The following ANKRD26 variants were observed in gnomAD, a reference collection of about 807,000 sequenced individuals.
ANKRD26 encodes the protein ankyrin repeat domain 26, also known as ankyrin repeat domain-containing protein 26.
ANKRD26 carries 141 observed loss-of-function variants against 208.7 expected under a neutral mutation model. The ratio of observed to expected loss-of-function variants is 0.68; its 90% confidence interval spans 0.59 to 0.78. The LOEUF is 0.78. ANKRD26 is among the 30% of genes least tolerant of loss of function. The pLI, the probability that ANKRD26 is intolerant of heterozygous loss-of-function variation, is 0.00. For missense variants in ANKRD26, 1,889 were observed against 1,938.7 expected (o/e 0.97, Z 0.48); for synonymous variants, 636 against 660.4 (o/e 0.96, Z 0.57).
chr10:26,956,795 G>T, the ANKRD26 span, among the ~76,000 whole-genome samples: 1 of 152,154 alleles, frequency 6.6e-6, no homozygotes. Context: ...AGTAGCAACA[G>T]TACCATTTCC....
downstream of ANKRD26, among the ~76,000 whole-genome samples, chr10:26,973,871 G>A (rs1420373527): frequency 6.6e-6 from 1 of 151,730 alleles, no homozygotes; most frequent in Non-Finnish European, 1.5e-5. Context: ...TGGCCAGGCT[G>A]GTCTCGAACT....
chr10:27,064,433 G>T (rs2055168577), intron 11 of ANKRD26, among the ~76,000 whole-genome samples: 1 of 152,082 alleles, frequency 6.6e-6, no homozygotes, highest in African/African-American at 2.4e-5. Context: ...AAAAATAAGA[G>T]GGGAGCTTCT....
rs2052200551 is a variant in ANKRD26, at chr10:26,974,776, T to C, written c.*1548A>G. On this transcript the variant is annotated 3_prime_UTR_variant and NMD_transcript_variant, in exon 6 of 6. Transcript: ENST00000674670. ...CTGCATTCATAGAAGGTACGCTCTCTGGAATACTTCTAGGTTGAGAATTCT... is the reference window on the plus strand; with the variant it reads ...CTGCATTCATAGAAGGTACGCTCTCCGGAATACTTCTAGGTTGAGAATTCT... 2.0e-5 allele frequency among the ~76,000 whole-genome samples: 3 copies of C among 152,260 alleles called. No homozygotes were observed. The South Asian group carries it at 6.2e-4, about 32-fold the overall frequency.
In ANKRD26 at chr10:27,046,517, A is replaced by T. The variant is rs772121441; in HGVS notation, c.1821T>A (p.Gly607=). The change falls in exon 18 of 34, where the codon GGT becomes GGA. Residue 607 remains glycine (G), a synonymous_variant. Transcript: ENST00000376087. ...RKENKEYASS[G]PALQMKEVKS... is the part of the protein sequence containing the mutation. ...TTACTTCCTTCATTTGCAAGGCAGG[A>T]CCACTACTTTAAAAAATCCATGGGA... is the stretch of plus-strand genomic sequence containing the variant. 1.2e-6 allele frequency: 2 copies of T among 1,613,726 alleles called. No individual in the cohort carries two copies. The highest frequency in any genetic ancestry group is 1.3e-5 in the African/African-American group (1 of 74,878).
At chr10:27,022,860 A>T (rs1432103430) in intron 28 of ANKRD26, among the ~76,000 whole-genome samples, 173 bp from the exon 29 acceptor site, 1 of 152,234 alleles carries the variant, frequency 6.6e-6, no homozygotes, top group Non-Finnish European at 1.5e-5. Context: ...AATCTTAGGT[A>T]AATAATGTGA....
chr10:27,043,637 T>C (rs2054340533), intron 19 of ANKRD26, 70 bp from the exon 20 acceptor site: 1 of 1,482,904 alleles, frequency 6.7e-7, no homozygotes, highest in Admixed American at 1.7e-5. Context: ...GTGGTAATTA[T>C]CCATCTTTCT....
In ANKRD26 at chr10:26,980,310, T is replaced by G. The variant is rs572662629; in HGVS notation, c.*281+266A>C. ...TGTCTTCTGAACTTTTGGGGACTTG[T>G]TGTCATCCTATTGGACCTTTGGAAA... On this transcript the variant is annotated intron_variant and NMD_transcript_variant, in intron 5 of 5. Transcript: ENST00000674670. 1.6e-4 allele frequency among the ~76,000 whole-genome samples: 24 copies of G among 152,354 alleles called. No homozygotes were observed. In the South Asian group the frequency reaches 4.8e-3, roughly 30 times the overall value.
intron 1 of ANKRD26, among the ~76,000 whole-genome samples, chr10:27,098,512 G>A (rs1228230092): frequency 1.3e-5 from 2 of 151,154 alleles, no homozygotes; most frequent in Non-Finnish European, 2.9e-5. Flanking sequence ...AAAAAAGTTT[G>A]ACTTATTATA....
chr10:26,985,511 T>G (rs2052372468), intron 3 of ANKRD26, among the ~76,000 whole-genome samples: 1 of 152,170 alleles, frequency 6.6e-6, no homozygotes, highest in Admixed American at 6.5e-5. Context: ...TCAACATGTT[T>G]TTAAGTGTTT....
At chr10:27,058,721 A>T (rs1050974452) in intron 15 of ANKRD26, among the ~76,000 whole-genome samples, 11 of 149,248 alleles carry the variant, frequency 7.4e-5, no homozygotes, top group African/African-American at 2.7e-4. Context: ...GGTTACAGGC[A>T]TGTGCCACCA....
chr10:27,029,409 G>T, intron 25 of ANKRD26, 53 bp from the exon 26 acceptor site: 1 of 1,528,516 alleles, frequency 6.5e-7, no homozygotes. Flanking sequence ...GTACACATCT[G>T]TCCATTACCT....
chr10:27,063,381 C>T (rs556478737), intron 12 of ANKRD26, among the ~76,000 whole-genome samples: 1 of 152,070 alleles, frequency 6.6e-6, no homozygotes, highest in Admixed American at 6.6e-5. Context: ...AGTGCAGTGA[C>T]GTGATCTCAG....
At chr10:27,095,467 A>G (rs575430896) in intron 1 of ANKRD26, among the ~76,000 whole-genome samples, 1 of 152,336 alleles carries the variant, frequency 6.6e-6, no homozygotes, top group African/African-American at 2.4e-5. Flanking sequence ...CAGGAATTCA[A>G]GATCAGCCTG....
the ANKRD26 span, among the ~76,000 whole-genome samples, chr10:26,959,669 G>A: frequency 2.0e-5 from 3 of 149,636 alleles, no homozygotes; most frequent in Non-Finnish European, 4.4e-5. Flanking sequence ...TAGTAGAGAC[G>A]GGGTTTCACC....
chr10:26,977,495 T>C (rs986320451), intron 5 of ANKRD26, among the ~76,000 whole-genome samples: 3 of 152,208 alleles, frequency 2.0e-5, no homozygotes, highest in Non-Finnish European at 4.4e-5. Context: ...CTTCAGAGCA[T>C]AATGATATTT....
chr10:27,029,203 C>A, intron 26 of ANKRD26, 83 bp downstream of exon 26: 1 of 1,445,790 alleles, frequency 6.9e-7, no homozygotes, highest in South Asian at 1.2e-5. Flanking sequence ...TACTTATGAT[C>A]ATAGCTGATA....
intron 1 of ANKRD26, among the ~76,000 whole-genome samples, chr10:27,095,038 A>G (rs2056422798): frequency 6.6e-6 from 1 of 152,036 alleles, no homozygotes; most frequent in African/African-American, 2.4e-5. Flanking sequence ...ACAGTATTTC[A>G]GTGATTCTAA....
chr10:27,014,543 A>G lies in ANKRD26; in HGVS notation c.4675T>C (p.Tyr1559His). The G allele has an allele frequency of 6.3e-7, 1 of 1,598,986 alleles. No homozygotes were observed. The highest frequency in any genetic ancestry group is 1.1e-5 in the South Asian group (1 of 89,620). ...TTTCTAACTTTTAATTCTTCTAGAT[A>G]GAGTTGCTTATATTTTTCCAGTTCG... ...KTELEKYKQL[Y>H]LEELKVRKSL... is the part of the protein sequence containing the mutation. The change falls in exon 31 of 34, where the codon TAT becomes CAT. Residue 1559 changes from tyrosine to histidine, a missense_variant. Physicochemically the swap from Tyr to His is moderately conservative, Grantham distance 83 (BLOSUM62 2). Transcript: ENST00000376087.
chr10:27,100,070 T>C lies in ANKRD26; in HGVS notation c.242+15A>G. ...ACTCCAGTGGCACTCAGTCCGGGCT[T>C]GCGACGCCTATTACCTGTTCATCTT... On this transcript the variant is annotated intron_variant, in intron 1 of 33. Coordinates refer to ENST00000376087, the MANE Select transcript of ANKRD26 (RefSeq NM_014915.3). 1.2e-6 allele frequency: 2 copies of C among 1,613,648 alleles called. No individual in the cohort carries two copies. The highest frequency in any genetic ancestry group is 2.7e-5 in the African/African-American group (2 of 75,056).
Sources: allele counts gnomAD v4.1 joint callset (sites outside exome capture counted in the v4.1 genomes callset), GRCh38; gene constraint gnomAD v4.1.1; transcripts MANE v1.5; gene names NCBI Gene and HGNC (gene_info 2026-07-23, HGNC 2026-07-21).